SPDYE3: variants seen among roughly 807,000 people sequenced by gnomAD.
SPDYE3 encodes speedy/RINGO cell cycle regulator family member E3.
A neutral mutation model predicts 55.0 loss-of-function variants in SPDYE3; 15 were observed. The ratio of observed to expected loss-of-function variants is 0.27; its 90% confidence interval spans 0.18 to 0.42. The LOEUF (loss-of-function observed/expected upper bound fraction) is 0.42, where lower values mean the gene tolerates loss of function less well. Ranked by LOEUF, SPDYE3 falls within the 10% of genes least tolerant of loss-of-function variation. SPDYE3 has a pLI of 1.00. For synonymous variants in SPDYE3, 89 were observed against 229.9 expected, an observed-to-expected ratio of 0.39 and a Z score of 5.55; for missense variants, 236 against 576.7, an observed-to-expected ratio of 0.41 and a Z score of 6.05.
intron 8 of SPDYE3, among the ~76,000 whole-genome samples, chr7:100,318,083 C>T (rs1465328856): frequency 6.6e-6 from 1 of 152,012 alleles, no homozygotes; most frequent in East Asian, 1.9e-4. Context: ...CCCCAGCAAG[C>T]AGACGTTTCC....
rs890814580 is a variant in SPDYE3 at position 100,315,981 on chromosome 7, T to G, written c.1260+138T>G. 84 of 1,427,802 alleles carry G rather than the reference T, an allele frequency of 5.9e-5. 1 individual carries two copies. Among genetic ancestry groups the G allele is most frequent in the Middle Eastern group, 5.0e-4 (2 of 4,030 alleles). The allele number at this position is 1,427,802 out of a possible 1,614,324, so 88.4% of individuals were successfully genotyped here. On this transcript the variant is annotated intron_variant, in intron 7 of 10. Transcript: ENST00000332397. ...AGTTTTTTTTGTTTTTGTTTTTGTT[T>G]TTTTTTGTGAGACACAGTCTTGCTC...
rs745782180 is a variant in SPDYE3 at position 100,307,837 on chromosome 7, C to T, written c.-49C>T. On this transcript the variant is annotated 5_prime_UTR_variant, in exon 1 of 11. Coordinates refer to ENST00000332397, the MANE Select transcript of SPDYE3 (RefSeq NM_001004351.5). ...GCAGTGTCCAGAAGAAGACCAAGGA[C>T]AGAACAGAGACTAGCTTCGGTGAGA... 6 of 1,536,986 alleles carry T rather than the reference C, an allele frequency of 3.9e-6. No homozygotes were observed. The highest frequency in any genetic ancestry group is 2.3e-4 in the Middle Eastern group (1 of 4,372).
At position 100,322,108 on chromosome 7, in the gene SPDYE3, A is replaced by G. The variant is rs557888538; in HGVS notation, c.*1263A>G. 4.6e-5 allele frequency: 7 copies of G among 151,854 alleles called. No individual in the cohort carries two copies. In the East Asian group the frequency reaches 1.3e-3, roughly 29 times the overall value. 9.4% of individuals were successfully genotyped at this position (151,854 alleles called of 1,614,324 possible). ...GCTGAAGGGAGCAGACTTTTTATCTATGATACTTAGTTAATGTATATATTA... is the reference window on the plus strand; with the variant it reads ...GCTGAAGGGAGCAGACTTTTTATCTGTGATACTTAGTTAATGTATATATTA... On this transcript the variant is annotated 3_prime_UTR_variant, in exon 11 of 11. Transcript: ENST00000332397.
intron 1 of SPDYE3, among the ~76,000 whole-genome samples, chr7:100,308,286 G>T (rs1337803157): frequency 6.7e-6 from 1 of 148,964 alleles, no homozygotes; most frequent in African/African-American, 2.5e-5. Context: ...AGCCGAGATC[G>T]TGCTACTGCA....
rs1223351544 is a variant in SPDYE3, at chr7:100,308,105, A to G, written c.106+114A>G. On this transcript the variant is annotated intron_variant, in intron 1 of 10. Transcript: ENST00000332397. ...AACACTTTGGGAGGCCGAGGCGGGC[A>G]GATCACCTGAGGTCAGCAGTTCAAG... The G allele has an allele frequency of 2.2e-5, 29 of 1,327,332 alleles. No homozygotes were observed. The Admixed American group carries it at 5.3e-4, about 24-fold the overall frequency. The allele number at this position is 1,327,332 out of a possible 1,614,324, so 82.2% of individuals were successfully genotyped here.
At chr7:100,310,295 TGGGGTC>T (rs1805928416) in intron 2 of SPDYE3, 59 bp from the exon 3 acceptor site, 1 of 800,932 alleles carries the variant, frequency 1.2e-6, no homozygotes, top group Non-Finnish European at 1.9e-6. Context: ...GTTTGGGGTT[TGGGGTC>T]GGGGTCTAAC....
intron 10 of SPDYE3, chr7:100,320,531 C>T: frequency 1.0e-6 from 1 of 963,988 alleles, no homozygotes; most frequent in Non-Finnish European, 1.3e-6. Context: ...AGAAACAGAT[C>T]TAGCACAGTT....
In SPDYE3 at chr7:100,320,887, C is replaced by A; in HGVS notation, c.*46-4C>A. 3 of 1,226,906 alleles carry A rather than the reference C, an allele frequency of 2.4e-6. No individual in the cohort carries two copies. Among genetic ancestry groups the A allele is most frequent in the Non-Finnish European group, 3.3e-6 (3 of 911,018 alleles). 76.0% of individuals were successfully genotyped at this position (1,226,906 alleles called of 1,614,324 possible). On this transcript the variant is annotated splice_region_variant and splice_polypyrimidine_tract_variant and intron_variant, in intron 10 of 10. Coordinates refer to ENST00000332397, the MANE Select transcript of SPDYE3 (RefSeq NM_001004351.5). The stretch of plus-strand genomic sequence containing the variant: ...AGGTGTGACATTGTCTCTCTCACTT[C>A]CAGAACACCGGACCCAGGGGAGATG...
At chr7:100,319,000 C>T (rs950004969) in intron 8 of SPDYE3, among the ~76,000 whole-genome samples, 2 of 151,570 alleles carry the variant, frequency 1.3e-5, no homozygotes, top group Non-Finnish European at 2.9e-5. Context: ...CAACCTCCGC[C>T]TCCTGGGTTC....
chr7:100,319,744 G>A lies in SPDYE3; in HGVS notation c.1526G>A (p.Arg509His), dbSNP rs761081183. 14 of 1,614,024 alleles carry A rather than the reference G, an allele frequency of 8.7e-6. No homozygotes were observed. Among genetic ancestry groups the A allele is most frequent in the East Asian group, 4.5e-5 (2 of 44,884 alleles). ...TCTCAGATAGCCTTGTTCCAGAAGC[G>A]TCGGTTCCAGTTCTTCTGTTCCATG... Reference protein sequence around the residue: ...NCSQIALFQKRRFQFFCSMRC... With the variant: ...NCSQIALFQKHRFQFFCSMRC... The change falls in exon 9 of 11, where the codon CGT becomes CAT. Residue 509 changes from arginine (R) to histidine (H), a missense_variant. Transcript: ENST00000332397.
intron 10 of SPDYE3, chr7:100,320,667 G>A: frequency 3.7e-6 from 4 of 1,070,348 alleles, no homozygotes; most frequent in Non-Finnish European, 4.7e-6. Flanking sequence ...CAGATCACTG[G>A]GGCTGACCTT....
At chr7:100,317,032 G>T (rs1465507822) in intron 7 of SPDYE3, 38 bp from the exon 8 acceptor site, 17 of 1,580,852 alleles carry the variant, frequency 1.1e-5, no homozygotes, top group Non-Finnish European at 1.5e-5. Flanking sequence ...CTCCCAAGAT[G>T]TGACCTCTCC....
chr7:100,316,942 A>C, intron 7 of SPDYE3, 128 bp from the exon 8 acceptor site: 1 of 1,303,226 alleles, frequency 7.7e-7, no homozygotes, highest in South Asian at 1.2e-5. Flanking sequence ...ACATGAGCAC[A>C]GTCACCCCAA....
chr7:100,316,646 G>A (rs1806111961), intron 7 of SPDYE3, among the ~76,000 whole-genome samples: 1 of 151,748 alleles, frequency 6.6e-6, no homozygotes, highest in South Asian at 2.1e-4. Flanking sequence ...CTGGTCTCTT[G>A]CAGAGTGAAT....
Position 100,320,021 on chromosome 7 carries a change from T to A in SPDYE3, c.*31T>A. ...CAGGGACCGTGGAGGCCTGAGGTCA[T>A]CGGCCTGAGAGAAGGTACATCTGCA... On this transcript the variant is annotated 3_prime_UTR_variant, in exon 10 of 11. Coordinates refer to ENST00000332397, the MANE Select transcript of SPDYE3 (RefSeq NM_001004351.5). 2 of 1,605,942 alleles carry A rather than the reference T, an allele frequency of 1.2e-6. No homozygotes were observed. The highest frequency in any genetic ancestry group is 1.7e-6 in the Non-Finnish European group (2 of 1,179,562).
chr7:100,317,900 T>C (rs1439091156), intron 8 of SPDYE3, among the ~76,000 whole-genome samples: 3 of 132,544 alleles, frequency 2.3e-5, no homozygotes, highest in African/African-American at 2.9e-5. Flanking sequence ...GGCGTGAACC[T>C]GGGAGGCGGA....
At chr7:100,312,994 A>C (rs1805999871) in intron 4 of SPDYE3, 146 bp from the exon 5 acceptor site, 1 of 575,882 alleles carries the variant, frequency 1.7e-6, no homozygotes, top group East Asian at 2.8e-5. Context: ...CATGGGGTTG[A>C]GCAGAGGAGA....
At chr7:100,317,660 G>A (rs1193072392) in intron 8 of SPDYE3, among the ~76,000 whole-genome samples, 2 of 150,824 alleles carry the variant, frequency 1.3e-5, no homozygotes, top group African/African-American at 2.4e-5. Context: ...TCCAATGCCA[G>A]TGTACAAATA....
intron 6 of SPDYE3, among the ~76,000 whole-genome samples, chr7:100,315,544 C>T (rs1223737289): frequency 6.6e-6 from 1 of 152,118 alleles, no homozygotes; most frequent in African/African-American, 2.4e-5. Context: ...GGCTGATTCC[C>T]AGCTCTACAT....
Sources: gnomAD v4.1 joint callset for allele counts (sites outside exome capture counted in the v4.1 genomes callset) on GRCh38, gnomAD v4.1.1 for gene constraint, MANE v1.5 for transcripts, NCBI Gene and HGNC (gene_info 2026-07-23, HGNC 2026-07-21) for gene names.